The following PPM1L variants were observed in gnomAD, a reference collection of about 807,000 sequenced individuals.
PPM1L encodes the protein protein phosphatase 1L.
PPM1L carries 13 observed loss-of-function variants against 31.4 expected under a neutral mutation model. The observed-to-expected ratio is 0.41, with a 90% CI of 0.27 to 0.66. PPM1L has a LOEUF of 0.66. Among genes scored for constraint, PPM1L ranks in the 30% least tolerant of loss-of-function variants. The probability of loss-of-function intolerance (pLI) is 0.29; values close to 1 mark genes in which losing one functional copy is unlikely to be tolerated. For missense variants in PPM1L, 326 were observed against 453.7 expected (o/e 0.72, Z 2.56); for synonymous variants, 184 against 175.4 (o/e 1.05, Z -0.39).
chr3:160,900,397 C>T (rs1713499138), intron 1 of PPM1L, among the ~76,000 whole-genome samples: 1 of 151,874 alleles, frequency 6.6e-6, no homozygotes, highest in African/African-American at 2.4e-5. Context: ...TTTAAAAATG[C>T]TTTAAAACTA....
intron 2 of PPM1L, among the ~76,000 whole-genome samples, chr3:161,017,093 A>G (rs1209130093): frequency 2.0e-5 from 3 of 152,098 alleles, no homozygotes; most frequent in Non-Finnish European, 4.4e-5. Flanking sequence ...TCATTACTGT[A>G]CTTAGAAAGT....
intron 2 of PPM1L, among the ~76,000 whole-genome samples, chr3:161,001,514 C>G (rs1310707145): frequency 6.6e-6 from 1 of 152,078 alleles, no homozygotes; most frequent in Admixed American, 6.5e-5. Context: ...CTTCTGGCCT[C>G]AAGTAATTCG....
intron 1 of PPM1L, among the ~76,000 whole-genome samples, chr3:160,781,568 A>C (rs1390484619): frequency 6.6e-6 from 1 of 152,232 alleles, no homozygotes; most frequent in Non-Finnish European, 1.5e-5. Context: ...AGCTCAGGGC[A>C]CATGAAAGAA....
chr3:160,875,225 C>G (rs75818926), intron 1 of PPM1L, among the ~76,000 whole-genome samples: 1 of 152,186 alleles, frequency 6.6e-6, no homozygotes, highest in South Asian at 2.1e-4. Flanking sequence ...ATGGAATGTA[C>G]TTATTTATTT....
chr3:161,047,113 T>C (rs1356494313), intron 2 of PPM1L, among the ~76,000 whole-genome samples: 1 of 152,064 alleles, frequency 6.6e-6, no homozygotes, highest in South Asian at 2.1e-4. Flanking sequence ...GAGAAAGAAA[T>C]AAAGGGTATT....
chr3:161,061,761 T>C (rs904611013), intron 2 of PPM1L, among the ~76,000 whole-genome samples: 2 of 151,980 alleles, frequency 1.3e-5, no homozygotes, highest in African/African-American at 2.4e-5. Flanking sequence ...CTATAGGGGG[T>C]CTAGAACCAA....
chr3:160,841,814 TATGTGAA>T (rs1228502686), intron 1 of PPM1L, among the ~76,000 whole-genome samples: 1 of 152,220 alleles, frequency 6.6e-6, no homozygotes, highest in Non-Finnish European at 1.5e-5. Flanking sequence ...ACTTTTGTCT[TATGTGAA>T]ATGTGAATAC....
intron 1 of PPM1L, among the ~76,000 whole-genome samples, chr3:160,879,150 T>C (rs1005699916): frequency 2.0e-5 from 3 of 152,142 alleles, no homozygotes; most frequent in African/African-American, 7.2e-5. Flanking sequence ...GCCACAGGGG[T>C]AACTAAGAAA....
chr3:160,763,275 T>C (rs1576627158), intron 1 of PPM1L, among the ~76,000 whole-genome samples: 1 of 152,224 alleles, frequency 6.6e-6, no homozygotes, highest in Non-Finnish European at 1.5e-5. Context: ...CCCTTTCCGC[T>C]GTGACTCATG....
intron 2 of PPM1L, among the ~76,000 whole-genome samples, chr3:161,037,177 A>G (rs192706236): frequency 1.3e-5 from 2 of 152,312 alleles, no homozygotes; most frequent in Admixed American, 6.5e-5. Context: ...GTGAATGAAT[A>G]TAGCAGAAGT....
intron 1 of PPM1L, among the ~76,000 whole-genome samples, chr3:160,950,450 C>T (rs1715546488): frequency 6.6e-6 from 1 of 152,180 alleles, no homozygotes; most frequent in East Asian, 1.9e-4. Flanking sequence ...ACCAGGCCTT[C>T]TCCATACCCC....
chr3:161,026,995 C>T lies in PPM1L; in HGVS notation c.575-38408C>T, dbSNP rs185697758. On this transcript the variant is annotated intron_variant, in intron 2 of 3. Coordinates refer to ENST00000498165, the MANE Select transcript of PPM1L (RefSeq NM_139245.4). The stretch of plus-strand genomic sequence containing the variant: ...AAATTCTGGCTCTGAAACTTACTAC[C>T]TTGGATCTTGGACAAGTTACGCAAG... Among the ~76,000 whole-genome samples the T allele has an allele frequency of 2.4e-3, 373 of 152,292 alleles. 6 individuals are homozygous for T. Among genetic ancestry groups the T allele is most frequent in the Non-Finnish European group, 1.3e-3 (90 of 68,026 alleles).
rs1212070301 is a variant in PPM1L at position 160,782,725 on chromosome 3, T to C, written c.399+26018T>C. Among the ~76,000 whole-genome samples the C allele has an allele frequency of 5.9e-5, 9 of 152,210 alleles. 1 individual carries two copies. Among genetic ancestry groups the C allele is most frequent in the Admixed American group, 5.2e-4 (8 of 15,280 alleles). Reference sequence around the variant, plus strand: ...TTATTCCAGAAGTGATATATGCTAGTTGAAAAATTTTAAAAAATACATAGA... The same window carrying C: ...TTATTCCAGAAGTGATATATGCTAGCTGAAAAATTTTAAAAAATACATAGA... On this transcript the variant is annotated intron_variant, in intron 1 of 3. Transcript: ENST00000498165.
At chr3:160,917,057 C>T (rs1714209740) in intron 1 of PPM1L, among the ~76,000 whole-genome samples, 2 of 152,152 alleles carry the variant, frequency 1.3e-5, no homozygotes, top group African/African-American at 4.8e-5. Context: ...AGAACAAATG[C>T]TGGAGGACAA....
chr3:160,938,793 T>C (rs1323416239), intron 1 of PPM1L, among the ~76,000 whole-genome samples: 2 of 152,216 alleles, frequency 1.3e-5, no homozygotes, highest in African/African-American at 4.8e-5. Flanking sequence ...GCTGTGTGAC[T>C]GGGAACCCAG....
intron 1 of PPM1L, among the ~76,000 whole-genome samples, chr3:160,804,391 T>A (rs530901666): frequency 6.6e-6 from 1 of 152,328 alleles, no homozygotes; most frequent in Admixed American, 6.5e-5. Flanking sequence ...CCTCAGAGAA[T>A]CCCATTTCCA....
At chr3:160,887,980 T>C (rs1430889533) in intron 1 of PPM1L, among the ~76,000 whole-genome samples, 3 of 152,102 alleles carry the variant, frequency 2.0e-5, no homozygotes, top group African/African-American at 7.2e-5. Flanking sequence ...GATAAGAAAA[T>C]GCTGAGGGAT....
intron 2 of PPM1L, among the ~76,000 whole-genome samples, chr3:160,966,780 C>T (rs1314932093): frequency 6.6e-6 from 1 of 152,116 alleles, no homozygotes; most frequent in East Asian, 1.9e-4. Context: ...ATAAAAAGCA[C>T]TTAGCAGATT....
At chr3:161,024,086 G>A (rs1205317764) in intron 2 of PPM1L, among the ~76,000 whole-genome samples, 2 of 151,888 alleles carry the variant, frequency 1.3e-5, no homozygotes, top group Non-Finnish European at 2.9e-5. Context: ...AGGCTAGCGT[G>A]GCCAACATGG....
Sources: allele counts gnomAD v4.1 joint callset (sites outside exome capture counted in the v4.1 genomes callset), GRCh38; gene constraint gnomAD v4.1.1; transcripts MANE v1.5; gene names NCBI Gene and HGNC (gene_info 2026-07-23, HGNC 2026-07-21).